RPRD1A: variants seen among roughly 807,000 people sequenced by gnomAD.
RPRD1A encodes the protein regulation of nuclear pre-mRNA domain containing 1A, also known as regulation of nuclear pre-mRNA domain-containing protein 1A.
RPRD1A carries 9 observed loss-of-function variants against 37.8 expected under a neutral mutation model. That is an observed-to-expected ratio of 0.24 (90% CI 0.14 to 0.42). The LOEUF (loss-of-function observed/expected upper bound fraction) is 0.42. Among genes scored for constraint, RPRD1A ranks in the 10% least tolerant of loss-of-function variants. RPRD1A has a pLI of 1.00. For synonymous variants in RPRD1A, 138 were observed against 139.7 expected (o/e 0.99, Z 0.08); for missense variants, 255 against 371.0 (o/e 0.69, Z 2.57).
intron 1 of RPRD1A, among the ~76,000 whole-genome samples, chr18:36,057,452 C>CA (rs879381826): frequency 1.3e-5 from 2 of 151,674 alleles, no homozygotes; most frequent in East Asian, 1.9e-4. Flanking sequence ...ACAAAAAATA[C>CA]AAAAAAAATT....
chr18:36,039,046 T>C (rs1912396553), intron 1 of RPRD1A, among the ~76,000 whole-genome samples: 1 of 152,228 alleles, frequency 6.6e-6, no homozygotes, highest in Non-Finnish European at 1.5e-5. Flanking sequence ...AATGCTAGAA[T>C]GAGTTAAGAC....
At chr18:36,067,136 C>G in intron 1 of RPRD1A, 118 bp downstream of exon 1, 1 of 1,120,136 alleles carries the variant, frequency 8.9e-7, no homozygotes, top group Non-Finnish European at 1.3e-6. Context: ...GCCCGCAGAC[C>G]ACCGCGCGCT....
At chr18:36,022,055 T>C (rs1416706990) in intron 6 of RPRD1A, among the ~76,000 whole-genome samples, 3 of 152,190 alleles carry the variant, frequency 2.0e-5, no homozygotes, top group Non-Finnish European at 4.4e-5. Flanking sequence ...TAAACAGCCT[T>C]ACTGGTGATA....
intron 4 of RPRD1A, among the ~76,000 whole-genome samples, chr18:36,028,884 A>T (rs957957511): frequency 2.0e-5 from 3 of 152,214 alleles, no homozygotes; most frequent in African/African-American, 7.2e-5. Flanking sequence ...GAGGCAGATG[A>T]TTACTTAAAA....
intron 4 of RPRD1A, among the ~76,000 whole-genome samples, chr18:36,030,085 C>T (rs139603419): frequency 0.012 from 1,770 of 150,696 alleles, 43 homozygotes; most frequent in African/African-American, 0.04. Flanking sequence ...GGATTACAGG[C>T]GTGAGCCACT....
chr18:36,024,247 A>G (rs751117050), intron 6 of RPRD1A, among the ~76,000 whole-genome samples: 7 of 151,938 alleles, frequency 4.6e-5, no homozygotes, highest in South Asian at 2.1e-4. Flanking sequence ...CCCAGGTTCA[A>G]GTGATCCTGC....
chr18:36,060,914 A>G (rs1486795426), intron 1 of RPRD1A, among the ~76,000 whole-genome samples: 1 of 152,104 alleles, frequency 6.6e-6, no homozygotes, highest in Non-Finnish European at 1.5e-5. Context: ...AGATCACCTG[A>G]GCCCAAGAGT....
intron 1 of RPRD1A, among the ~76,000 whole-genome samples, chr18:36,051,024 T>C (rs1913351710): frequency 6.6e-6 from 1 of 152,162 alleles, no homozygotes; most frequent in Non-Finnish European, 1.5e-5. Flanking sequence ...CATATAATTT[T>C]TGACCCTCCC....
chr18:36,063,594 T>C (rs1444606687), intron 1 of RPRD1A, among the ~76,000 whole-genome samples: 1 of 152,266 alleles, frequency 6.6e-6, no homozygotes. Flanking sequence ...TGTTGTAATA[T>C]ACTTTCAAGA....
intron 1 of RPRD1A, among the ~76,000 whole-genome samples, chr18:36,042,112 A>G (rs1912624831): frequency 1.3e-5 from 2 of 152,196 alleles, no homozygotes. Context: ...CACCATTTAC[A>G]CTACTCTTTT....
intron 6 of RPRD1A, among the ~76,000 whole-genome samples, chr18:36,001,688 A>G (rs1192275425): frequency 6.6e-6 from 1 of 152,178 alleles, no homozygotes; most frequent in Non-Finnish European, 1.5e-5. Context: ...CAAAAGTACA[A>G]TCTGGTTTGC....
intron 1 of RPRD1A, among the ~76,000 whole-genome samples, chr18:36,040,298 A>T (rs1312166147): frequency 1.3e-5 from 2 of 152,216 alleles, no homozygotes; most frequent in Non-Finnish European, 2.9e-5. Context: ...GCTACTAGGA[A>T]TAAAAGACGA....
At chr18:36,006,900 A>T (rs181756221) in intron 6 of RPRD1A, among the ~76,000 whole-genome samples, 36 of 152,298 alleles carry the variant, frequency 2.4e-4, no homozygotes, top group Admixed American at 1.8e-3. Flanking sequence ...TAAGACAGAG[A>T]GTCGAGGAAA....
intron 2 of RPRD1A, among the ~76,000 whole-genome samples, chr18:36,033,217 G>T (rs562713196): frequency 1.4e-5 from 2 of 145,358 alleles, no homozygotes; most frequent in African/African-American, 2.6e-5. Flanking sequence ...TAGGAGAATC[G>T]CTTGAACCCA....
At chr18:36,065,619 G>T (rs1382049770) in intron 1 of RPRD1A, among the ~76,000 whole-genome samples, 1 of 152,072 alleles carries the variant, frequency 6.6e-6, no homozygotes, top group Non-Finnish European at 1.5e-5. Flanking sequence ...TAGGTCAAAG[G>T]ATATATTTAA....
intron 6 of RPRD1A, among the ~76,000 whole-genome samples, chr18:36,024,616 T>G (rs1291646557): frequency 1.3e-5 from 2 of 152,190 alleles, no homozygotes; most frequent in South Asian, 2.1e-4. Flanking sequence ...ATTCCCGAAC[T>G]GATACTTTAA....
intron 1 of RPRD1A, among the ~76,000 whole-genome samples, chr18:36,055,505 T>C (rs1410206639): frequency 2.0e-5 from 3 of 152,214 alleles, no homozygotes; most frequent in South Asian, 2.1e-4. Context: ...TCTTTAGAGA[T>C]TTTTTACAAA....
At chr18:35,999,840 G>A (rs911426522) in intron 6 of RPRD1A, among the ~76,000 whole-genome samples, 3 of 152,130 alleles carry the variant, frequency 2.0e-5, no homozygotes, top group African/African-American at 7.2e-5. Flanking sequence ...TTTATCTGTA[G>A]TATAATGTCC....
chr18:36,046,553 A>T (rs1912965338), intron 1 of RPRD1A, among the ~76,000 whole-genome samples: 1 of 152,078 alleles, frequency 6.6e-6, no homozygotes. Context: ...ATCTTGGCTA[A>T]GCACAGTGGC....
Sources: allele counts gnomAD v4.1 joint callset (sites outside exome capture counted in the v4.1 genomes callset), GRCh38; gene constraint gnomAD v4.1.1; transcripts MANE v1.5; gene names NCBI Gene and HGNC (gene_info 2026-07-23, HGNC 2026-07-21).